The following APBB2 variants were observed in gnomAD, a reference collection of about 807,000 sequenced individuals.
The protein encoded by APBB2 is Fe65-like 1.
APBB2 carries 38 observed loss-of-function variants against 82.5 expected under a neutral mutation model. That is an observed-to-expected ratio of 0.46 (90% CI 0.36 to 0.60). APBB2 has a LOEUF of 0.60. Among genes scored for constraint, APBB2 ranks in the 20% least tolerant of loss-of-function variants. APBB2 has a pLI of 0.00. For missense variants in APBB2, 772 were observed against 972.3 expected (o/e 0.79, Z 2.74); for synonymous variants, 341 against 368.2 (o/e 0.93, Z 0.85).
At chr4:40,959,022 C>T (rs1792406746) in intron 6 of APBB2, among the ~76,000 whole-genome samples, 1 of 152,190 alleles carries the variant, frequency 6.6e-6, no homozygotes, top group South Asian at 2.1e-4. Flanking sequence ...TAATGAGTGA[C>T]AGCAATACAA....
At position 40,973,852 on chromosome 4, in the gene APBB2, C is replaced by CT. The variant is rs145072355; in HGVS notation, c.836-28780dup. ...GTGTGTGTGTCTGTCTCCAAATTTC[C>CT]TTTTTTTTTTTTTTTTCCAGACAGA... On this transcript the variant is annotated intron_variant, in intron 6 of 17. Transcript: ENST00000508593. Among the ~76,000 whole-genome samples, 542 of 140,054 alleles carry CT rather than the reference C, an allele frequency of 3.9e-3. 1 individual carries two copies. Among genetic ancestry groups the CT allele is most frequent in the African/African-American group, 8.8e-3 (335 of 38,120 alleles). 91.9% of individuals were successfully genotyped at this position (140,054 alleles called of 152,430 possible).
chr4:41,183,819 G>A (rs1019974020), intron 1 of APBB2, among the ~76,000 whole-genome samples: 2 of 151,438 alleles, frequency 1.3e-5, no homozygotes, highest in African/African-American at 4.9e-5. Context: ...ATTTTTCTAT[G>A]GACTGGGGGA....
chr4:41,208,403 A>G (rs1020003879), intron 1 of APBB2, among the ~76,000 whole-genome samples: 2 of 152,138 alleles, frequency 1.3e-5, no homozygotes, highest in Admixed American at 1.3e-4. Flanking sequence ...CTGAAATTAC[A>G]GGCGTGTGCC....
At chr4:41,117,251 A>C (rs1251582877) in intron 2 of APBB2, among the ~76,000 whole-genome samples, 3 of 149,336 alleles carry the variant, frequency 2.0e-5, no homozygotes, top group Non-Finnish European at 4.5e-5. Flanking sequence ...TTTAATCCCT[A>C]CCTCAATGAG....
intron 1 of APBB2, among the ~76,000 whole-genome samples, chr4:41,170,054 C>G (rs1174555687): frequency 2.6e-5 from 4 of 152,120 alleles, no homozygotes; most frequent in Non-Finnish European, 5.9e-5. Flanking sequence ...AATACCCCCT[C>G]TAAATAATCA....
At chr4:40,875,992 G>C (rs1766805750) in intron 12 of APBB2, among the ~76,000 whole-genome samples, 1 of 152,208 alleles carries the variant, frequency 6.6e-6, no homozygotes, top group South Asian at 2.1e-4. Context: ...GTGTGTTTGT[G>C]TATGTGTGTG....
At chr4:41,212,908 G>T (rs1263673147) in intron 1 of APBB2, among the ~76,000 whole-genome samples, 1 of 152,042 alleles carries the variant, frequency 6.6e-6, no homozygotes, top group African/African-American at 2.4e-5. Flanking sequence ...AACAACTGTT[G>T]AACAAATATT....
chr4:41,010,739 C>T (rs1184353665), intron 6 of APBB2, among the ~76,000 whole-genome samples: 5 of 151,966 alleles, frequency 3.3e-5, no homozygotes, highest in Admixed American at 6.6e-5. Context: ...AAAAGACTGA[C>T]GTAGAAAAAT....
intron 6 of APBB2, among the ~76,000 whole-genome samples, chr4:40,959,722 T>C (rs1792575340): frequency 6.6e-6 from 1 of 152,188 alleles, no homozygotes; most frequent in Non-Finnish European, 1.5e-5. Flanking sequence ...TATACTACAC[T>C]CTCATAGATT....
chr4:40,982,727 G>A (rs1373827724), intron 6 of APBB2, among the ~76,000 whole-genome samples: 1 of 151,616 alleles, frequency 6.6e-6, no homozygotes, highest in Non-Finnish European at 1.5e-5. Flanking sequence ...GGAAGTTGAG[G>A]TTGCAGTGAG....
chr4:40,985,529 G>C (rs900405385), intron 6 of APBB2, among the ~76,000 whole-genome samples: 12 of 152,054 alleles, frequency 7.9e-5, no homozygotes, highest in Non-Finnish European at 1.3e-4. Context: ...ATGAAGACAA[G>C]TCTTTTCACG....
At chr4:41,032,532 T>G (rs1275802849) in intron 5 of APBB2, among the ~76,000 whole-genome samples, 2 of 151,948 alleles carry the variant, frequency 1.3e-5, no homozygotes, top group Non-Finnish European at 2.9e-5. Flanking sequence ...CTAAGCAAAC[T>G]CTACAAGCTA....
At chr4:40,856,782 T>G (rs1761336023) in intron 12 of APBB2, among the ~76,000 whole-genome samples, 1 of 152,186 alleles carries the variant, frequency 6.6e-6, no homozygotes, top group South Asian at 2.1e-4. Context: ...CTCCCCCCCA[T>G]TTCATACAAG....
intron 6 of APBB2, among the ~76,000 whole-genome samples, chr4:40,946,717 C>T (rs769302545): frequency 6.6e-6 from 1 of 151,882 alleles, no homozygotes; most frequent in Non-Finnish European, 1.5e-5. Context: ...GAGCTCTAAA[C>T]CCAGGGATCA....
At chr4:40,822,379 C>T (rs1748303010) in intron 16 of APBB2, 1 of 208,516 alleles carries the variant, frequency 4.8e-6, no homozygotes, top group Admixed American at 5.4e-5. Flanking sequence ...AAATACAGGA[C>T]ACCTGGTGGC....
chr4:40,965,336 C>T (rs572627188), intron 6 of APBB2, among the ~76,000 whole-genome samples: 1 of 152,174 alleles, frequency 6.6e-6, no homozygotes, highest in Non-Finnish European at 1.5e-5. Context: ...TTATATATTT[C>T]CTTAACTGTA....
intron 7 of APBB2, among the ~76,000 whole-genome samples, chr4:40,936,898 G>C (rs777023432): frequency 6.6e-6 from 1 of 152,076 alleles, no homozygotes; most frequent in Non-Finnish European, 1.5e-5. Flanking sequence ...TGGGTGCGGG[G>C]TTTTGTACAT....
At chr4:41,041,597 T>C (rs988752028) in intron 4 of APBB2, among the ~76,000 whole-genome samples, 3 of 152,212 alleles carry the variant, frequency 2.0e-5, no homozygotes, top group Admixed American at 1.3e-4. Context: ...ACCACTTATA[T>C]AGTCTAAAAC....
At chr4:41,187,846 T>G (rs950444399) in intron 1 of APBB2, among the ~76,000 whole-genome samples, 1 of 152,346 alleles carries the variant, frequency 6.6e-6, no homozygotes, top group African/African-American at 2.4e-5. Context: ...CAAATCTCAC[T>G]GCAGAGGCAA....
Sources: allele counts gnomAD v4.1 joint callset (sites outside exome capture counted in the v4.1 genomes callset), GRCh38; gene constraint gnomAD v4.1.1; transcripts MANE v1.5; gene names NCBI Gene and HGNC (gene_info 2026-07-23, HGNC 2026-07-21).